Variants in KCNN3 observed in about 807,000 individuals in gnomAD.
KCNN3 encodes the protein small conductance calcium-activated potassium channel protein 3.
A neutral mutation model predicts 62.9 loss-of-function variants in KCNN3; 16 were observed. The observed-to-expected ratio is 0.25, with a 90% CI of 0.17 to 0.39. The LOEUF (loss-of-function observed/expected upper bound fraction) is 0.39, where lower values mean the gene tolerates loss of function less well. Among genes scored for constraint, KCNN3 ranks in the 10% least tolerant of loss-of-function variants. The pLI is 1.00. For synonymous variants in KCNN3, 370 were observed against 389.2 expected (o/e 0.95, Z 0.58); for missense variants, 599 against 949.4 (o/e 0.63, Z 4.85).
chr1:154,717,822 G>A (rs545553556), intron 5 of KCNN3, among the ~76,000 whole-genome samples: 1 of 152,270 alleles, frequency 6.6e-6, no homozygotes, highest in South Asian at 2.1e-4. Flanking sequence ...CAATATCTGC[G>A]AGAGAAAAAG....
chr1:154,730,192 A>T (rs1571218990), intron 4 of KCNN3, among the ~76,000 whole-genome samples: 1 of 152,350 alleles, frequency 6.6e-6, no homozygotes, highest in South Asian at 2.1e-4. Flanking sequence ...CTGGACTTTA[A>T]TGTAGCTGCT....
chr1:154,790,139 C>G (rs1436826673), intron 2 of KCNN3, among the ~76,000 whole-genome samples: 1 of 152,184 alleles, frequency 6.6e-6, no homozygotes, highest in Non-Finnish European at 1.5e-5. Context: ...ATATGTTGGC[C>G]AGGCTGGTCT....
intron 7 of KCNN3, among the ~76,000 whole-genome samples, chr1:154,708,534 T>C (rs1237414116): frequency 1.4e-5 from 2 of 148,112 alleles, no homozygotes; most frequent in East Asian, 3.9e-4. Flanking sequence ...AAAATGGCCC[T>C]TTTTTTTTTC....
chr1:154,772,338 C>T lies in KCNN3; in HGVS notation c.1085G>A (p.Arg362His), dbSNP rs1484455009. Residue 362 changes from arginine (R) to histidine (H), a missense_variant, in exon 3 of 8, where the codon CGC (arginine) becomes CAC (histidine). By Grantham distance (29) the Arg-to-His change is conservative. Around this residue, in one of 7 missense-constraint regions of KCNN3, gnomAD observed 288 missense variants for 557.4 expected, o/e 0.52. Transcript: ENST00000271915. This position sits in a 1 kb window ranked among gnomAD's most constrained non-coding sequence, Gnocchi z 5.6. The part of the protein sequence containing the change: ...DDWRIAMTYE[R>H]ILYISLEMLV... Reference sequence around the variant, plus strand: ...CATCTCCAGGCTGATGTACAGGATGCGCTCGTAGGTCATGGCTATCCGCCA... The same window carrying T: ...CATCTCCAGGCTGATGTACAGGATGTGCTCGTAGGTCATGGCTATCCGCCA... 2 of 1,614,092 alleles carry T rather than the reference C, an allele frequency of 1.2e-6. No individual in the cohort carries two copies.
chr1:154,823,261 A>T (rs1249838597), intron 1 of KCNN3, among the ~76,000 whole-genome samples: 1 of 152,164 alleles, frequency 6.6e-6, no homozygotes, highest in Non-Finnish European at 1.5e-5. Context: ...CACAGCCCTG[A>T]GCAAAGGCAG....
chr1:154,820,327 G>A (rs1364182642), intron 2 of KCNN3, among the ~76,000 whole-genome samples: 1 of 152,260 alleles, frequency 6.6e-6, no homozygotes, highest in African/African-American at 2.4e-5. Context: ...GAAAGAGGAA[G>A]TAATCAGGCC....
Position 154,843,677 on chromosome 1 carries a change from C to T in KCNN3, c.934-21493G>A, listed in dbSNP as rs186891544. Among the ~76,000 whole-genome samples the T allele has an allele frequency of 1.7e-3, 252 of 152,302 alleles. 2 individuals carry two copies. The highest frequency in any genetic ancestry group is 5.7e-3 in the African/African-American group (236 of 41,554). On this transcript the variant is annotated intron_variant, in intron 1 of 7. Coordinates refer to ENST00000271915, the MANE Select transcript of KCNN3 (RefSeq NM_002249.6). The stretch of plus-strand genomic sequence containing the variant: ...AACCTTTTAAAGCAACAGTGAGAAA[C>T]GCTGAGAGAGAAACCAGGCGGGGTA...
chr1:154,759,347 G>T (rs1017610755), intron 3 of KCNN3, among the ~76,000 whole-genome samples: 3 of 152,022 alleles, frequency 2.0e-5, no homozygotes, highest in African/African-American at 7.3e-5. Context: ...GAAATGTAGG[G>T]CACAATGGGA....
intron 3 of KCNN3, among the ~76,000 whole-genome samples, chr1:154,746,866 C>G (rs771173850): frequency 2.6e-5 from 4 of 152,226 alleles, no homozygotes; most frequent in Non-Finnish European, 5.9e-5. Context: ...TCAAATGTCA[C>G]CAGGCAGAAT....
intron 1 of KCNN3, chr1:154,868,184 T>A (rs1653026380): frequency 1.0e-6 from 1 of 985,490 alleles, no homozygotes; most frequent in Middle Eastern, 5.2e-4. Context: ...TGGGAAGCCC[T>A]GTCATCCCGT....
intron 3 of KCNN3, among the ~76,000 whole-genome samples, chr1:154,736,766 T>C (rs541822666): frequency 6.6e-6 from 1 of 152,318 alleles, no homozygotes; most frequent in South Asian, 2.1e-4. Context: ...TGTGGGAGGA[T>C]GCCAAGGTAA....
At chr1:154,827,044 G>C (rs1439775748) in intron 1 of KCNN3, among the ~76,000 whole-genome samples, 1 of 152,194 alleles carries the variant, frequency 6.6e-6, no homozygotes, top group Non-Finnish European at 1.5e-5. Flanking sequence ...AAAGGGAAAA[G>C]GTGATAGTAT....
Position 154,720,919 on chromosome 1 carries a change from T to C in KCNN3, c.1701+4997A>G, listed in dbSNP as rs115424823. ...GCAAGGTGAAATCAGACACAGAAAG[T>C]GCTCAGACCCTCGTGGGGTCCAGGG... On this transcript the variant is annotated intron_variant, in intron 5 of 7. Transcript: ENST00000271915. Among the ~76,000 whole-genome samples the C allele has an allele frequency of 8.6e-3, 1,307 of 151,880 alleles. 17 individuals are homozygous for C. Among genetic ancestry groups the C allele is most frequent in the African/African-American group, 0.03 (1,240 of 41,372 alleles).
chr1:154,806,049 G>A (rs1650161164), intron 2 of KCNN3, among the ~76,000 whole-genome samples: 1 of 152,162 alleles, frequency 6.6e-6, no homozygotes, highest in African/African-American at 2.4e-5. Context: ...CGTGATGTCC[G>A]TGAACACTGC....
intron 1 of KCNN3, among the ~76,000 whole-genome samples, chr1:154,854,227 T>A (rs944841110): frequency 6.6e-6 from 1 of 151,970 alleles, no homozygotes; most frequent in Non-Finnish European, 1.5e-5. Context: ...AGAGCAAGAC[T>A]CCATCTCAAA....
In KCNN3 at chr1:154,756,661, C is replaced by T. The variant is rs552287912; in HGVS notation, c.1448+15314G>A. 6.7e-4 allele frequency among the ~76,000 whole-genome samples: 102 copies of T among 152,310 alleles called. 1 individual carries two copies. Among genetic ancestry groups the T allele is most frequent in the Middle Eastern group, 3.4e-3 (1 of 294 alleles). On this transcript the variant is annotated intron_variant, in intron 3 of 7. Coordinates refer to ENST00000271915, the MANE Select transcript of KCNN3 (RefSeq NM_002249.6). Reference sequence around the variant, plus strand: ...CTGAAGCATCACCTCCCCAGAGACACCTCCAAGCAGGCCCCAGATGAGTAG... The same window carrying T: ...CTGAAGCATCACCTCCCCAGAGACATCTCCAAGCAGGCCCCAGATGAGTAG...
chr1:154,758,952 C>T (rs1167249996), intron 3 of KCNN3, among the ~76,000 whole-genome samples: 3 of 151,978 alleles, frequency 2.0e-5, no homozygotes, highest in East Asian at 1.9e-4. Context: ...GGATTACAGG[C>T]GCTCACCACC....
intron 3 of KCNN3, among the ~76,000 whole-genome samples, chr1:154,746,994 A>G (rs1700951842): frequency 6.6e-6 from 1 of 152,064 alleles, no homozygotes; most frequent in African/African-American, 2.4e-5. Flanking sequence ...AACTCTGCTC[A>G]TTACCTGCCC....
intron 2 of KCNN3, among the ~76,000 whole-genome samples, chr1:154,785,137 A>T (rs1419839873): frequency 2.0e-5 from 3 of 152,172 alleles, no homozygotes; most frequent in Admixed American, 1.3e-4. Flanking sequence ...GAAGTTTCTG[A>T]TAAGTTTCTT....
Sources: allele counts gnomAD v4.1 joint callset (sites outside exome capture counted in the v4.1 genomes callset), GRCh38; gene constraint gnomAD v4.1.1; regional missense constraint gnomAD v4.1.1; non-coding constraint Gnocchi (gnomAD v3.1); transcripts MANE v1.5; gene names NCBI Gene and HGNC (gene_info 2026-07-23, HGNC 2026-07-21).